Variants in MLIP observed in about 807,000 individuals in gnomAD.
MLIP encodes muscular LMNA-interacting protein.
MLIP carries 79 observed loss-of-function variants against 84.8 expected under a neutral mutation model. That is an observed-to-expected ratio of 0.93 (90% CI 0.78 to 1.12). MLIP has a LOEUF of 1.12. Ranked by LOEUF, MLIP falls within the 50% of genes most tolerant of loss-of-function variation. MLIP has a pLI of 0.00. For missense variants in MLIP, 1,257 were observed against 1,160.6 expected (o/e 1.08, Z -1.21); for synonymous variants, 504 against 463.0 (o/e 1.09, Z -1.14).
Position 54,138,243 on chromosome 6 carries a change from G to A in MLIP, c.2174G>A (p.Cys725Tyr). Reference sequence around the variant, plus strand: ...AGGACAGAGGAGCTGATTTCACCTTGTGCATTGTCCATGTCAACAGGCCCA... The same window carrying A: ...AGGACAGAGGAGCTGATTTCACCTTATGCATTGTCCATGTCAACAGGCCCA... ...LTRTEELISP[C>Y]ALSMSTGPEN... The change falls in exon 4 of 14, where the codon TGT becomes TAT. Residue 725 changes from cysteine to tyrosine, a missense_variant. Coordinates refer to ENST00000502396, the MANE Select transcript of MLIP (RefSeq NM_001281747.2). 6.5e-7 allele frequency: 1 copy of A among 1,536,024 alleles called. No individual in the cohort carries two copies. The highest frequency in any genetic ancestry group is 1.4e-5 in the African/African-American group (1 of 73,144).
At chr6:54,253,749 T>C (rs1782799672) in intron 12 of MLIP, among the ~76,000 whole-genome samples, 1 of 152,140 alleles carries the variant, frequency 6.6e-6, no homozygotes, top group Non-Finnish European at 1.5e-5. Context: ...GTTAGTTTGG[T>C]GGCAGCTGTG....
intron 1 of MLIP, among the ~76,000 whole-genome samples, chr6:54,088,821 C>T (rs1010519952): frequency 1.3e-5 from 2 of 152,000 alleles, no homozygotes; most frequent in African/African-American, 4.8e-5. Context: ...CATTTGTCCA[C>T]CAGCACATAT....
Position 54,235,060 on chromosome 6 carries a change from A to G in MLIP, c.2922+4143A>G, listed in dbSNP as rs548870381. 5.3e-5 allele frequency among the ~76,000 whole-genome samples: 8 copies of G among 152,270 alleles called. No homozygotes were observed. In the East Asian group the frequency reaches 7.7e-4, roughly 15 times the overall value. ...TCATTTTGTCTCAAACTAGTTCTGC[A>G]CTGGCTTTTCTACTTCTGTGATGAA... On this transcript the variant is annotated intron_variant, in intron 12 of 13. Coordinates refer to ENST00000502396, the MANE Select transcript of MLIP (RefSeq NM_001281747.2).
At chr6:54,130,192 C>A (rs776829582) in intron 3 of MLIP, among the ~76,000 whole-genome samples, 3 of 152,074 alleles carry the variant, frequency 2.0e-5, no homozygotes, top group East Asian at 3.9e-4. Context: ...TTGTTATTTC[C>A]TCTGGGTGGG....
intron 1 of MLIP, among the ~76,000 whole-genome samples, chr6:54,118,474 A>T (rs1004587021): frequency 6.6e-6 from 1 of 152,244 alleles, no homozygotes; most frequent in Admixed American, 6.5e-5. Flanking sequence ...GGGTTTCCAC[A>T]TGCAGAAGAA....
At chr6:54,156,723 A>G (rs562775597) in intron 5 of MLIP, among the ~76,000 whole-genome samples, 1 of 152,184 alleles carries the variant, frequency 6.6e-6, no homozygotes, top group East Asian at 1.9e-4. Flanking sequence ...TCATTTATTC[A>G]TTGGTTTACC....
intron 1 of MLIP, among the ~76,000 whole-genome samples, chr6:54,084,217 T>C (rs1269436357): frequency 6.6e-6 from 1 of 152,178 alleles, no homozygotes; most frequent in Admixed American, 6.5e-5. Flanking sequence ...TCCCAGTATT[T>C]GTACACTCTT....
chr6:54,139,747 T>A (rs180676581), intron 4 of MLIP, among the ~76,000 whole-genome samples: 1 of 152,312 alleles, frequency 6.6e-6, no homozygotes, highest in Non-Finnish European at 1.5e-5. Flanking sequence ...CTGACATTTA[T>A]GTAATGTTAA....
At chr6:54,098,294 A>G (rs572823587) in intron 1 of MLIP, among the ~76,000 whole-genome samples, 1 of 150,320 alleles carries the variant, frequency 6.7e-6, no homozygotes, top group East Asian at 2.0e-4. Context: ...AGCTAGGACT[A>G]CATGTGCATA....
At chr6:54,060,618 C>T (rs1020047672) in intron 1 of MLIP, among the ~76,000 whole-genome samples, 7 of 152,006 alleles carry the variant, frequency 4.6e-5, no homozygotes, top group South Asian at 2.1e-4. Context: ...AGTTACATTT[C>T]GATATCTTTA....
Position 54,143,257 on chromosome 6 carries a change from G to A in MLIP, c.2217+4971G>A, listed in dbSNP as rs146462225. Reference sequence around the variant, plus strand: ...TTTGAGGTGTAGTTTCGCTCTTGGCGTCCAGGCTGGAGTGCAATGGCGCAA... The same window carrying A: ...TTTGAGGTGTAGTTTCGCTCTTGGCATCCAGGCTGGAGTGCAATGGCGCAA... On this transcript the variant is annotated intron_variant, in intron 4 of 13. Transcript: ENST00000502396. 8.1e-3 allele frequency among the ~76,000 whole-genome samples: 1,198 copies of A among 148,124 alleles called. 19 individuals carry two copies. Among genetic ancestry groups the A allele is most frequent in the African/African-American group, 0.028 (1,099 of 39,766 alleles).
At chr6:54,230,284 C>T (rs1300815065) in intron 11 of MLIP, among the ~76,000 whole-genome samples, 4 of 152,118 alleles carry the variant, frequency 2.6e-5, no homozygotes, top group Non-Finnish European at 5.9e-5. Flanking sequence ...TCCACAATGC[C>T]CTCCCCTTGA....
chr6:54,191,463 AGT>A (rs202082329), intron 10 of MLIP, among the ~76,000 whole-genome samples: 32 of 152,168 alleles, frequency 2.1e-4, no homozygotes, highest in South Asian at 1.5e-3. Context: ...GGTTTAGAAC[AGT>A]GTGTGTGTGG....
chr6:54,121,632 C>T (rs1220604820), intron 2 of MLIP, 30 bp downstream of exon 2: 2 of 1,470,288 alleles, frequency 1.4e-6, no homozygotes, highest in African/African-American at 1.4e-5. Flanking sequence ...TTTTTAATTT[C>T]AAACAATTAT....
chr6:54,172,192 C>G (rs543579578), intron 9 of MLIP, among the ~76,000 whole-genome samples: 3 of 151,592 alleles, frequency 2.0e-5, no homozygotes, highest in African/African-American at 7.3e-5. Flanking sequence ...GATTACTACA[C>G]GTTGTATGTC....
intron 11 of MLIP, among the ~76,000 whole-genome samples, chr6:54,209,031 T>C (rs564642436): frequency 6.6e-6 from 1 of 152,340 alleles, no homozygotes; most frequent in African/African-American, 2.4e-5. Context: ...CAGGAGAACA[T>C]AATGAAAATT....
intron 10 of MLIP, among the ~76,000 whole-genome samples, chr6:54,196,031 C>G (rs1013305013): frequency 6.6e-6 from 1 of 152,026 alleles, no homozygotes; most frequent in Non-Finnish European, 1.5e-5. Flanking sequence ...TGAAACTCAC[C>G]AACCCACTTT....
intron 5 of MLIP, among the ~76,000 whole-genome samples, chr6:54,154,439 C>A (rs1025764544): frequency 1.3e-5 from 2 of 152,146 alleles, no homozygotes; most frequent in Non-Finnish European, 2.9e-5. Context: ...ATCACAAAGG[C>A]TGCCGTATTG....
chr6:54,118,001 C>A (rs960721425), intron 1 of MLIP, among the ~76,000 whole-genome samples: 1 of 151,816 alleles, frequency 6.6e-6, no homozygotes, highest in Non-Finnish European at 1.5e-5. Flanking sequence ...CAACAAAAAT[C>A]ATTGATGAAA....
Sources: allele counts gnomAD v4.1 joint callset (sites outside exome capture counted in the v4.1 genomes callset), GRCh38; gene constraint gnomAD v4.1.1; transcripts MANE v1.5; gene names NCBI Gene and HGNC (gene_info 2026-07-23, HGNC 2026-07-21).